PGR: variants seen among roughly 807,000 people sequenced by gnomAD.
PGR encodes the protein nuclear receptor subfamily 3 group C member 3.
A neutral mutation model predicts 76.1 loss-of-function variants in PGR; 25 were observed. The ratio of observed to expected loss-of-function variants is 0.33; its 90% CI spans 0.24 to 0.46. The LOEUF (loss-of-function observed/expected upper bound fraction) is 0.46. Ranked by LOEUF, PGR falls within the 20% of genes least tolerant of loss-of-function variation. PGR has a pLI of 1.00. For synonymous variants in PGR, 579 were observed against 535.0 expected (o/e 1.08, Z -1.14); for missense variants, 1,172 against 1,225.3 (o/e 0.96, Z 0.65).
intron 2 of PGR, among the ~76,000 whole-genome samples, chr11:101,102,455 C>A (rs1279509169): frequency 6.6e-6 from 1 of 152,172 alleles, no homozygotes; most frequent in Non-Finnish European, 1.5e-5. Flanking sequence ...TGGAATCCAG[C>A]ATATTCTGAA....
chr11:101,079,246 C>T (rs1418206766), intron 3 of PGR, among the ~76,000 whole-genome samples: 1 of 152,054 alleles, frequency 6.6e-6, no homozygotes, highest in Non-Finnish European at 1.5e-5. Context: ...GACCTCAAGG[C>T]ATAGGCAATC....
intron 3 of PGR, among the ~76,000 whole-genome samples, chr11:101,070,741 TG>T (rs1860904074): frequency 6.6e-6 from 1 of 152,174 alleles, no homozygotes; most frequent in South Asian, 2.1e-4. Flanking sequence ...CACTGCAGCA[TG>T]GCAAAGCTGC....
chr11:101,082,953 A>G (rs1408950865), intron 3 of PGR, among the ~76,000 whole-genome samples: 3 of 152,220 alleles, frequency 2.0e-5, no homozygotes, highest in Non-Finnish European at 4.4e-5. Context: ...AACAGTCAAG[A>G]CAATGGGGAA....
intron 3 of PGR, among the ~76,000 whole-genome samples, chr11:101,088,459 G>A (rs1437109464): frequency 2.0e-5 from 3 of 152,116 alleles, no homozygotes; most frequent in Non-Finnish European, 2.9e-5. Flanking sequence ...AGCCTCCCAA[G>A]TAGGTGGGAC....
chr11:101,118,999 G>C (rs995166756), intron 2 of PGR, among the ~76,000 whole-genome samples: 1 of 152,160 alleles, frequency 6.6e-6, no homozygotes, highest in African/African-American at 2.4e-5. Flanking sequence ...GTGTGGGATG[G>C]TTTCTGGATG....
At chr11:101,103,498 A>G (rs1378818534) in intron 2 of PGR, among the ~76,000 whole-genome samples, 1 of 152,148 alleles carries the variant, frequency 6.6e-6, no homozygotes, top group Non-Finnish European at 1.5e-5. Flanking sequence ...ACAGGACACT[A>G]CAGGAATCCC....
At chr11:101,043,689 C>A (rs1859770456) in intron 6 of PGR, among the ~76,000 whole-genome samples, 1 of 152,182 alleles carries the variant, frequency 6.6e-6, no homozygotes. Flanking sequence ...CTATGAACTA[C>A]AGAATGAATG....
intron 3 of PGR, among the ~76,000 whole-genome samples, chr11:101,079,450 T>C (rs368823786): frequency 2.0e-5 from 3 of 150,482 alleles, no homozygotes; most frequent in East Asian, 1.9e-4. Flanking sequence ...CATTTAAAAA[T>C]AGGCAAAATG....
At chr11:101,120,207 CTGTTT>C (rs1862633105) in intron 2 of PGR, among the ~76,000 whole-genome samples, 1 of 152,156 alleles carries the variant, frequency 6.6e-6, no homozygotes, top group Non-Finnish European at 1.5e-5. Flanking sequence ...CAGGTTTGTT[CTGTTT>C]TGTTTTCTTC....
At position 101,050,035 on chromosome 11, in the gene PGR, G is replaced by A. The variant is rs759627043; in HGVS notation, c.2382C>T (p.Phe794=). 1.2e-6 allele frequency: 2 copies of A among 1,612,386 alleles called. No individual in the cohort carries two copies. The highest frequency in any genetic ancestry group is 1.7e-6 in the Non-Finnish European group (2 of 1,179,106). The change falls in exon 6 of 8, where the codon TTC becomes TTT. Residue 794 remains phenylalanine, a synonymous_variant. Coordinates refer to ENST00000325455, the MANE Select transcript of PGR (RefSeq NM_000926.4). ...LNEQRMKESS[F]YSLCLTMWQI... ...GCCACATGGTAAGGCATAATGAATAGAATGATGATTCTTTCATCCGCTGTC... is the reference window on the plus strand; with the variant it reads ...GCCACATGGTAAGGCATAATGAATAAAATGATGATTCTTTCATCCGCTGTC...
At chr11:101,096,802 C>T (rs1390638779) in intron 2 of PGR, among the ~76,000 whole-genome samples, 2 of 152,184 alleles carry the variant, frequency 1.3e-5, no homozygotes, top group Non-Finnish European at 2.9e-5. Flanking sequence ...GCTCAAATTG[C>T]GTATTATTTC....
chr11:101,127,573 C>T lies in PGR; in HGVS notation c.1498G>A (p.Ala500Thr), dbSNP rs1862894095. The change falls in exon 1 of 8, where the codon GCC (alanine) becomes ACC (threonine). Residue 500 changes from alanine (A) to threonine (T), a missense_variant. By Grantham distance (58) the Ala-to-Thr change is moderately conservative. This residue lies in a region of PGR where 893 missense variants were observed against 785.9 expected (regional missense o/e 1.14). Coordinates refer to ENST00000325455, the MANE Select transcript of PGR (RefSeq NM_000926.4). The stretch of plus-strand genomic sequence containing the variant: ...GCCGCCCCGGCGGCGGCGGCAGAGG[C>T]GGAGGTGGAGGGCAGGCCGTCCCGC... ...LPRDGLPSTSASAAAAGAAPA... is the reference protein window; with the variant it reads ...LPRDGLPSTSTSAAAAGAAPA... The T allele has an allele frequency of 7.3e-7, 1 of 1,368,368 alleles. No homozygotes were observed. Among genetic ancestry groups the T allele is most frequent in the Non-Finnish European group, 9.4e-7 (1 of 1,061,682 alleles). 84.8% of individuals were successfully genotyped at this position (1,368,368 alleles called of 1,614,324 possible). A position where few individuals can be genotyped will look rare whatever the true frequency, so the allele number is the denominator to read the frequency against.
At chr11:101,110,753 G>C (rs1312308157) in intron 2 of PGR, among the ~76,000 whole-genome samples, 1 of 152,144 alleles carries the variant, frequency 6.6e-6, no homozygotes, top group Non-Finnish European at 1.5e-5. Context: ...ATACTACAGA[G>C]TAATCTTTTG....
chr11:101,044,097 G>A (rs941126393), intron 6 of PGR, among the ~76,000 whole-genome samples: 1 of 152,174 alleles, frequency 6.6e-6, no homozygotes, highest in Admixed American at 6.6e-5. Context: ...AGCTATGAAA[G>A]TCCTAGATGA....
rs1408591491 is a variant in PGR, at chr11:101,129,643, C to T, written c.-573G>A. 2.7e-5 allele frequency: 5 copies of T among 182,088 alleles called. No homozygotes were observed. Among genetic ancestry groups the T allele is most frequent in the Admixed American group, 6.3e-5 (1 of 15,936 alleles). 11.3% of individuals were successfully genotyped at this position (182,088 alleles called of 1,614,324 possible). On this transcript the variant is annotated 5_prime_UTR_variant, in exon 1 of 8. Coordinates refer to ENST00000325455, the MANE Select transcript of PGR (RefSeq NM_000926.4). Reference sequence around the variant, plus strand: ...GGGTCGGACTTCTGCTGGCTCCGTACTGCGGGCGACAGTCATCTCCGAAGA... The same window carrying T: ...GGGTCGGACTTCTGCTGGCTCCGTATTGCGGGCGACAGTCATCTCCGAAGA...
intron 4 of PGR, among the ~76,000 whole-genome samples, chr11:101,055,784 T>G (rs1005767851): frequency 1.4e-4 from 22 of 152,186 alleles, no homozygotes; most frequent in African/African-American, 4.8e-4. Context: ...GTTTTCGTCT[T>G]TTTGCTTTTT....
chr11:101,107,665 A>G (rs1862207077), intron 2 of PGR, among the ~76,000 whole-genome samples: 1 of 152,138 alleles, frequency 6.6e-6, no homozygotes, highest in Non-Finnish European at 1.5e-5. Flanking sequence ...TAGGATTATA[A>G]CAGTTACATA....
At position 101,033,002 on chromosome 11, in the gene PGR, T is replaced by G. The variant is rs1859398743; in HGVS notation, c.*6114A>C. 1 of 189,756 alleles carries G rather than the reference T, an allele frequency of 5.3e-6. No individual in the cohort carries two copies. 11.8% of individuals were successfully genotyped at this position (189,756 alleles called of 1,614,324 possible). A position where few individuals can be genotyped will look rare whatever the true frequency, so the allele number is the denominator to read the frequency against. ...CCATGTAACTTTTGTAAATCATATTTAATCCTCTCAAAATACAAAGAACTT... is the reference window on the plus strand; with the variant it reads ...CCATGTAACTTTTGTAAATCATATTGAATCCTCTCAAAATACAAAGAACTT... On this transcript the variant is annotated 3_prime_UTR_variant, in exon 8 of 8. Transcript: ENST00000325455.
At chr11:101,073,115 A>G (rs757020239) in intron 3 of PGR, among the ~76,000 whole-genome samples, 1 of 152,194 alleles carries the variant, frequency 6.6e-6, no homozygotes, top group South Asian at 2.1e-4. Flanking sequence ...GGAAATAATA[A>G]CAAACAGTTT....
Sources: allele counts gnomAD v4.1 joint callset (sites outside exome capture counted in the v4.1 genomes callset), GRCh38; gene constraint gnomAD v4.1.1; regional missense constraint gnomAD v4.1.1; transcripts MANE v1.5; gene names NCBI Gene and HGNC (gene_info 2026-07-23, HGNC 2026-07-21).